The following LAMA2 variants were observed in gnomAD, a reference collection of about 807,000 sequenced individuals.
The protein encoded by LAMA2 is laminin subunit alpha 2.
A neutral mutation model predicts 364.8 loss-of-function variants in LAMA2; 269 were observed. The observed-to-expected ratio is 0.74, with a 90% CI of 0.67 to 0.82. LAMA2 has a LOEUF of 0.82. Among genes scored for constraint, LAMA2 ranks in the 40% least tolerant of loss-of-function variants. LAMA2 has a pLI of 0.00. For synonymous variants in LAMA2, 1,379 were observed against 1,370.6 expected, an observed-to-expected ratio of 1.01 and a Z score of -0.14; for missense variants, 3,807 against 3,873.2, an observed-to-expected ratio of 0.98 and a Z score of 0.45.
At chr6:129,122,926 A>G (rs536020781) in intron 4 of LAMA2, among the ~76,000 whole-genome samples, 1 of 152,338 alleles carries the variant, frequency 6.6e-6, no homozygotes, top group East Asian at 1.9e-4. Flanking sequence ...AGCTTAAATT[A>G]TAAAATCAGC....
chr6:129,408,294 C>T (rs996694722), intron 40 of LAMA2, among the ~76,000 whole-genome samples: 1 of 152,120 alleles, frequency 6.6e-6, no homozygotes, highest in Non-Finnish European at 1.5e-5. Context: ...AGTATTGTCA[C>T]CTAGTTGGCA....
chr6:129,473,431 A>G, intron 52 of LAMA2, 79 bp downstream of exon 52: 1 of 1,370,864 alleles, frequency 7.3e-7, no homozygotes, highest in South Asian at 1.2e-5. Flanking sequence ...CTGAAGTTTA[A>G]TTACAATAAG....
intron 1 of LAMA2, among the ~76,000 whole-genome samples, chr6:129,029,482 T>C (rs1274130336): frequency 1.3e-5 from 2 of 152,020 alleles, no homozygotes; most frequent in African/African-American, 4.8e-5. Context: ...ATGTCTCATT[T>C]TGGACATCTT....
chr6:129,028,893 C>T (rs1786025264), intron 1 of LAMA2, among the ~76,000 whole-genome samples: 1 of 151,694 alleles, frequency 6.6e-6, no homozygotes, highest in African/African-American at 2.4e-5. Context: ...ATAAGCCGTT[C>T]TGGTACCAAT....
At chr6:129,455,094 G>A (rs1419727491) in intron 47 of LAMA2, among the ~76,000 whole-genome samples, 1 of 152,036 alleles carries the variant, frequency 6.6e-6, no homozygotes, top group East Asian at 1.9e-4. Flanking sequence ...AGAGCCATGT[G>A]CAATGGCATG....
At chr6:128,970,112 A>C (rs1782096289) in intron 1 of LAMA2, among the ~76,000 whole-genome samples, 1 of 152,206 alleles carries the variant, frequency 6.6e-6, no homozygotes, top group Non-Finnish European at 1.5e-5. Flanking sequence ...CATAAGCTGC[A>C]AGTCAGTAGC....
chr6:129,280,129 C>A lies in LAMA2; in HGVS notation c.2519C>A (p.Thr840Lys), dbSNP rs768438747. 1 of 1,609,990 alleles carries A rather than the reference C, an allele frequency of 6.2e-7. No homozygotes were observed. The highest frequency in any genetic ancestry group is 1.1e-5 in the South Asian group (1 of 91,008). Reference sequence around the variant, plus strand: ...TGTGATGGATGCCCTGTCGGGTACACAGGACCACGCTGTGAGAGGTAAGAG... The same window carrying A: ...TGTGATGGATGCCCTGTCGGGTACAAAGGACCACGCTGTGAGAGGTAAGAG... ...LICDGCPVGY[T>K]GPRCERCAEG... is the part of the protein sequence containing the mutation. Residue 840 changes from threonine to lysine, a missense_variant, in exon 18 of 65, where the codon ACA (threonine) becomes AAA (lysine). Around this residue, in one of 3 missense-constraint regions of LAMA2, gnomAD observed 3,333 missense variants for 3,345.7 expected, o/e 1.00. Coordinates refer to ENST00000421865, the MANE Select transcript of LAMA2 (RefSeq NM_000426.4).
intron 40 of LAMA2, among the ~76,000 whole-genome samples, chr6:129,425,633 G>T (rs1480377116): frequency 1.3e-5 from 2 of 151,820 alleles, no homozygotes; most frequent in African/African-American, 4.8e-5. Flanking sequence ...TCCCCTTTGT[G>T]TCCATATGTT....
At chr6:128,969,942 A>C (rs2114614271) in intron 1 of LAMA2, among the ~76,000 whole-genome samples, 1 of 152,294 alleles carries the variant, frequency 6.6e-6, no homozygotes, top group East Asian at 1.9e-4. Flanking sequence ...AGGTCTCAAA[A>C]GGGATAACAA....
In LAMA2 at chr6:129,192,859, T is replaced by C; in HGVS notation, c.1782+6T>C. On this transcript the variant is annotated splice_donor_region_variant and intron_variant, in intron 12 of 64. Coordinates refer to ENST00000421865, the MANE Select transcript of LAMA2 (RefSeq NM_000426.4). ...CTCCCTATCTGGGAAACAAAGTAAG[T>C]CCACGCTTGCTTCCCGCTATTCTGC... The C allele has an allele frequency of 6.2e-7, 1 of 1,613,376 alleles. No individual in the cohort carries two copies.
At chr6:129,205,185 G>A (rs1782543504) in intron 12 of LAMA2, among the ~76,000 whole-genome samples, 1 of 151,426 alleles carries the variant, frequency 6.6e-6, no homozygotes, top group Non-Finnish European at 1.5e-5. Context: ...GTCAGGAGAT[G>A]GAGACCATCC....
At chr6:129,167,976 C>T (rs1374766382) in intron 9 of LAMA2, among the ~76,000 whole-genome samples, 163 of 141,194 alleles carry the variant, frequency 1.2e-3, no homozygotes, top group South Asian at 2.8e-3. Flanking sequence ...TGAGAAGTGT[C>T]TGTTCATGTC....
At chr6:129,416,757 C>T (rs1780811992) in intron 40 of LAMA2, among the ~76,000 whole-genome samples, 1 of 142,814 alleles carries the variant, frequency 7.0e-6, no homozygotes, top group Non-Finnish European at 1.5e-5. Flanking sequence ...CTCACACTAC[C>T]ACTACTGGGC....
At chr6:129,419,792 G>A (rs1197924041) in intron 40 of LAMA2, among the ~76,000 whole-genome samples, 1 of 151,904 alleles carries the variant, frequency 6.6e-6, no homozygotes, top group Non-Finnish European at 1.5e-5. Context: ...CCACCCTTAG[G>A]GTATGCTATG....
At chr6:129,477,352 G>A (rs1748301378) in intron 53 of LAMA2, among the ~76,000 whole-genome samples, 1 of 152,216 alleles carries the variant, frequency 6.6e-6, no homozygotes, top group Admixed American at 6.5e-5. Flanking sequence ...GAATAGCACT[G>A]TTATAATTAA....
At chr6:129,459,178 A>G (rs1244959320) in intron 48 of LAMA2, among the ~76,000 whole-genome samples, 1 of 152,098 alleles carries the variant, frequency 6.6e-6, no homozygotes. Flanking sequence ...GAGCCTGTAC[A>G]GCATGTTCCT....
intron 63 of LAMA2, 109 bp downstream of exon 63, chr6:129,512,602 T>C (rs768075769): frequency 2.2e-5 from 27 of 1,229,032 alleles, no homozygotes; most frequent in Non-Finnish European, 3.0e-5. Flanking sequence ...CTGTATTCTT[T>C]GTTGGGAGAA....
intron 12 of LAMA2, among the ~76,000 whole-genome samples, chr6:129,194,221 C>A (rs1267747052): frequency 2.0e-5 from 3 of 151,002 alleles, no homozygotes; most frequent in African/African-American, 7.3e-5. Context: ...AAAAAAAAAA[C>A]AACTGAGAGC....
intron 12 of LAMA2, among the ~76,000 whole-genome samples, chr6:129,232,336 C>T (rs1428506069): frequency 6.6e-6 from 1 of 152,044 alleles, no homozygotes; most frequent in Non-Finnish European, 1.5e-5. Context: ...CTTATTATAG[C>T]AGTGTCTGCC....
Sources: allele counts gnomAD v4.1 joint callset (sites outside exome capture counted in the v4.1 genomes callset), GRCh38; gene constraint gnomAD v4.1.1; regional missense constraint gnomAD v4.1.1; transcripts MANE v1.5; gene names NCBI Gene and HGNC (gene_info 2026-07-23, HGNC 2026-07-21).